TTC28: variants seen among roughly 807,000 people sequenced by gnomAD.
TTC28 encodes the protein tetratricopeptide repeat domain 28.
TTC28 carries 61 observed loss-of-function variants against 198.0 expected under a neutral mutation model. The observed-to-expected ratio is 0.31, with a 90% confidence interval of 0.25 to 0.38. TTC28 has a LOEUF of 0.38. Ranked by LOEUF, TTC28 falls within the 10% of genes least tolerant of loss-of-function variation. The pLI is 1.00. For synonymous variants in TTC28, 1,171 were observed against 1,297.8 expected, an observed-to-expected ratio of 0.90 and a Z score of 2.10; for missense variants, 2,678 against 3,164.0, an observed-to-expected ratio of 0.85 and a Z score of 3.69.
intron 6 of TTC28, among the ~76,000 whole-genome samples, chr22:28,155,091 T>C (rs1464193936): frequency 1.3e-5 from 2 of 152,224 alleles, no homozygotes; most frequent in African/African-American, 4.8e-5. Context: ...CCTGGCTGGC[T>C]TTTCTATGTA....
intron 13 of TTC28, among the ~76,000 whole-genome samples, chr22:28,018,500 C>T (rs1938471369): frequency 6.6e-6 from 1 of 152,238 alleles, no homozygotes. Flanking sequence ...CCCAGCCCCG[C>T]AGCAGCAGCC....
At position 28,107,745 on chromosome 22, in the gene TTC28, T is replaced by C. The variant is rs548571497; in HGVS notation, c.2100A>G (p.Leu700=). 83 of 1,551,920 alleles carry C rather than the reference T, an allele frequency of 5.3e-5. 3 individuals are homozygous for C. The South Asian group carries it at 8.7e-4, about 16-fold the overall frequency. Residue 700 remains leucine, a synonymous_variant, in exon 7 of 23, where the codon CTA becomes CTG. Coordinates refer to ENST00000397906, the MANE Select transcript of TTC28 (RefSeq NM_001145418.2). The stretch of plus-strand genomic sequence containing the variant: ...TATTCAGAGACTGGGCTAGGGACAG[T>C]AGGTACTTCTGACACTCTTCAGCTT... ...FSKAEECQKY[L]LSLAQSLNNS...
chr22:28,400,518 C>G (rs1005218487), intron 2 of TTC28, among the ~76,000 whole-genome samples: 1 of 152,080 alleles, frequency 6.6e-6, no homozygotes, highest in Non-Finnish European at 1.5e-5. Flanking sequence ...ACATATAGTT[C>G]TATATAGTAG....
intron 2 of TTC28, among the ~76,000 whole-genome samples, chr22:28,470,716 A>G (rs2048086446): frequency 6.6e-6 from 1 of 152,238 alleles, no homozygotes; most frequent in Non-Finnish European, 1.5e-5. Context: ...GGAGTCCAAG[A>G]AAAGTACGTT....
rs1477535847 is a variant in TTC28, at chr22:28,337,089, C to T, written c.382-30446G>A. ...AACATCTTTATTTCTGCCTTCATTTCGTTATGTACCCAGTAGTCATTCAGG... is the reference window on the plus strand; with the variant it reads ...AACATCTTTATTTCTGCCTTCATTTTGTTATGTACCCAGTAGTCATTCAGG... On this transcript the variant is annotated intron_variant, in intron 2 of 22. Transcript: ENST00000397906. Among the ~76,000 whole-genome samples the T allele has an allele frequency of 2.6e-5, 4 of 152,126 alleles. No individual in the cohort carries two copies. In the South Asian group the frequency reaches 6.2e-4, roughly 24 times the overall value.
At chr22:28,353,669 C>T (rs1322116459) in intron 2 of TTC28, among the ~76,000 whole-genome samples, 2 of 152,006 alleles carry the variant, frequency 1.3e-5, no homozygotes, top group African/African-American at 4.8e-5. Context: ...GAAGGTGGAC[C>T]CTTACCTTAT....
intron 2 of TTC28, among the ~76,000 whole-genome samples, chr22:28,612,459 C>G (rs911947245): frequency 6.6e-6 from 1 of 152,140 alleles, no homozygotes; most frequent in African/African-American, 2.4e-5. Context: ...TTGAACTCAG[C>G]TCTGGACCAA....
intron 12 of TTC28, among the ~76,000 whole-genome samples, chr22:28,044,025 C>G (rs1028162743): frequency 9.2e-5 from 14 of 152,216 alleles, no homozygotes; most frequent in African/African-American, 3.4e-4. Flanking sequence ...GTCAGATCCA[C>G]TGGTTCAAAC....
intron 2 of TTC28, among the ~76,000 whole-genome samples, chr22:28,496,798 G>T (rs1187199028): frequency 5.9e-5 from 9 of 151,990 alleles, no homozygotes; most frequent in Non-Finnish European, 1.3e-4. Flanking sequence ...TTCTCATCTA[G>T]CTCCAAATGA....
At chr22:28,042,839 C>T (rs1939707935) in intron 12 of TTC28, among the ~76,000 whole-genome samples, 1 of 152,046 alleles carries the variant, frequency 6.6e-6, no homozygotes. Context: ...AACAGAGAAG[C>T]GATGTGAGTC....
chr22:28,292,036 T>C (rs2044797458), intron 5 of TTC28, among the ~76,000 whole-genome samples: 1 of 152,040 alleles, frequency 6.6e-6, no homozygotes, highest in Non-Finnish European at 1.5e-5. Context: ...GTTATTTTCA[T>C]GTAATTGTTA....
rs1181883682 is a variant in TTC28 at position 28,005,625 on chromosome 22, C to CGG, written c.4219-4074_4219-4073dup. On this transcript the variant is annotated intron_variant, in intron 14 of 22. Coordinates refer to ENST00000397906, the MANE Select transcript of TTC28 (RefSeq NM_001145418.2). This position sits in a 1 kb window ranked among gnomAD's most constrained non-coding sequence, Gnocchi z 4.9. Reference sequence around the variant, plus strand: ...ACATCCAGAGGGGCCTGCCCAGCCACGGGCCCAGAGCGCTGTCCCGTTGCC... The same window carrying CGG: ...ACATCCAGAGGGGCCTGCCCAGCCACGGGGGCCCAGAGCGCTGTCCCGTTGCC... 6.6e-6 allele frequency among the ~76,000 whole-genome samples: 1 copy of CGG among 152,188 alleles called. No individual in the cohort carries two copies. The highest frequency in any genetic ancestry group is 1.5e-5 in the Non-Finnish European group (1 of 68,028).
chr22:28,388,555 C>G (rs993820422), intron 2 of TTC28, among the ~76,000 whole-genome samples: 2 of 152,194 alleles, frequency 1.3e-5, no homozygotes, highest in South Asian at 4.2e-4. Flanking sequence ...TAAAGAGGTC[C>G]TTCACATCCC....
chr22:28,161,167 T>C (rs147506708), intron 6 of TTC28, among the ~76,000 whole-genome samples: 2 of 152,220 alleles, frequency 1.3e-5, no homozygotes, highest in African/African-American at 2.4e-5. Context: ...ACATAATACA[T>C]AAAAAATTAT....
At chr22:28,353,745 C>A (rs1403119619) in intron 2 of TTC28, among the ~76,000 whole-genome samples, 1 of 152,088 alleles carries the variant, frequency 6.6e-6, no homozygotes, top group Non-Finnish European at 1.5e-5. Flanking sequence ...AGACAACACA[C>A]AGAATGGGAC....
At chr22:28,415,489 T>C (rs2047154963) in intron 2 of TTC28, among the ~76,000 whole-genome samples, 1 of 152,212 alleles carries the variant, frequency 6.6e-6, no homozygotes, top group South Asian at 2.1e-4. Flanking sequence ...CAGATTCACT[T>C]AAAATAGACC....
At chr22:28,355,688 T>G (rs2046066836) in intron 2 of TTC28, among the ~76,000 whole-genome samples, 2 of 152,192 alleles carry the variant, frequency 1.3e-5, no homozygotes, top group Admixed American at 1.3e-4. Flanking sequence ...CAAAGAATAG[T>G]AGTCACGGCC....
chr22:28,254,629 C>T, intron 5 of TTC28, among the ~76,000 whole-genome samples: 1 of 151,998 alleles, frequency 6.6e-6, no homozygotes, highest in African/African-American at 2.4e-5. Flanking sequence ...GTGACTAAAG[C>T]TTAGATGTGG....
intron 12 of TTC28, among the ~76,000 whole-genome samples, chr22:28,032,187 T>C (rs570817177): frequency 1.4e-5 from 1 of 72,888 alleles, no homozygotes; most frequent in African/African-American, 6.2e-5. Flanking sequence ...TATATATATA[T>C]AAAATATATA....
Sources: allele counts gnomAD v4.1 joint callset (sites outside exome capture counted in the v4.1 genomes callset), GRCh38; gene constraint gnomAD v4.1.1; non-coding constraint Gnocchi (gnomAD v3.1); transcripts MANE v1.5; gene names NCBI Gene and HGNC (gene_info 2026-07-23, HGNC 2026-07-21).